The following RDX variants were observed in gnomAD, a reference collection of about 807,000 sequenced individuals.
The protein encoded by RDX is radixin.
Under a neutral mutation model 83.7 loss-of-function variants are expected in RDX, and 32 were observed. That is an observed-to-expected ratio of 0.38 (90% CI 0.29 to 0.51). The LOEUF is 0.51. Among genes scored for constraint, RDX ranks in the 20% least tolerant of loss-of-function variants. The pLI is 0.87. For missense variants in RDX, 600 were observed against 689.9 expected, an observed-to-expected ratio of 0.87 and a Z score of 1.46; for synonymous variants, 229 against 222.7, an observed-to-expected ratio of 1.03 and a Z score of -0.25.
intron 9 of RDX, among the ~76,000 whole-genome samples, chr11:110,249,630 T>C (rs1301236000): frequency 6.6e-6 from 1 of 152,152 alleles, no homozygotes; most frequent in Non-Finnish European, 1.5e-5. Flanking sequence ...GCTCACCACA[T>C]TGTGAGGCAA....
At chr11:110,232,636 T>A (rs1025227066) in intron 13 of RDX, among the ~76,000 whole-genome samples, 3 of 152,204 alleles carry the variant, frequency 2.0e-5, no homozygotes, top group Admixed American at 6.5e-5. Context: ...ATTTTATTTT[T>A]TTGAGACAGA....
rs771415216 is a variant in RDX at position 110,251,898 on chromosome 11, C to T, written c.959+2048G>A. ...TGTAGGGAAAGAGGTCTCTTTGCTACTCTTTCCCAACTACTGTTCTTGCCC... is the reference window on the plus strand; with the variant it reads ...TGTAGGGAAAGAGGTCTCTTTGCTATTCTTTCCCAACTACTGTTCTTGCCC... On this transcript the variant is annotated intron_variant, in intron 9 of 13. Coordinates refer to ENST00000645495, the MANE Select transcript of RDX (RefSeq NM_002906.4). Among the ~76,000 whole-genome samples the T allele has an allele frequency of 6.7e-5, 10 of 149,782 alleles. No individual in the cohort carries two copies. The East Asian group carries it at 1.0e-3, about 15-fold the overall frequency.
chr11:110,177,997 C>T (rs141079792), intron 15 of RDX, among the ~76,000 whole-genome samples: 1 of 152,104 alleles, frequency 6.6e-6, no homozygotes, highest in Non-Finnish European at 1.5e-5. Context: ...CCATAACATG[C>T]AAAACTCCCC....
At chr11:110,284,382 G>T (rs1321775417) in intron 1 of RDX, among the ~76,000 whole-genome samples, 1 of 152,130 alleles carries the variant, frequency 6.6e-6, no homozygotes, top group Non-Finnish European at 1.5e-5. Context: ...TGATAACATG[G>T]ACTTCTCCAG....
At chr11:110,210,986 T>C (rs903470547) in intron 14 of RDX, among the ~76,000 whole-genome samples, 3 of 150,816 alleles carry the variant, frequency 2.0e-5, no homozygotes, top group African/African-American at 7.3e-5. Flanking sequence ...AATTCACACA[T>C]AACAATATTC....
chr11:110,259,126 C>T (rs943586566), intron 5 of RDX, among the ~76,000 whole-genome samples: 1 of 151,792 alleles, frequency 6.6e-6, no homozygotes, highest in Non-Finnish European at 1.5e-5. Context: ...TTAGTAGAGA[C>T]GGGGTTTCGC....
rs1213678453 is a variant in RDX at position 110,290,307 on chromosome 11, T to C, written c.-65+6160A>G. On this transcript the variant is annotated intron_variant, in intron 1 of 13. Transcript: ENST00000645495. ...TGGGAGGCTGAGGCGGGAGGATCACTTGAACCCAGGACAGCCTGGGCAACA... is the reference window on the plus strand; with the variant it reads ...TGGGAGGCTGAGGCGGGAGGATCACCTGAACCCAGGACAGCCTGGGCAACA... 2.6e-5 allele frequency among the ~76,000 whole-genome samples: 4 copies of C among 152,048 alleles called. No homozygotes were observed. The East Asian group carries it at 7.7e-4, about 29-fold the overall frequency.
At chr11:110,221,465 G>C (rs574952111) in intron 14 of RDX, among the ~76,000 whole-genome samples, 1 of 152,154 alleles carries the variant, frequency 6.6e-6, no homozygotes, top group South Asian at 2.1e-4. Context: ...AGGTGTGGTG[G>C]CACATGCCTG....
chr11:110,223,162 C>T (rs2134279806), intron 14 of RDX, among the ~76,000 whole-genome samples: 1 of 152,074 alleles, frequency 6.6e-6, no homozygotes, highest in Non-Finnish European at 1.5e-5. Flanking sequence ...ACCAGCCTGG[C>T]CAGCATGGTG....
intron 1 of RDX, among the ~76,000 whole-genome samples, chr11:110,295,027 A>ACTGCAATC (rs1861389167): frequency 6.6e-6 from 1 of 152,236 alleles, no homozygotes; most frequent in African/African-American, 2.4e-5. Flanking sequence ...AAAGAAAGTC[A>ACTGCAATC]CTGCAATCGT....
chr11:110,180,302 A>C (rs1188594169), intron 15 of RDX, among the ~76,000 whole-genome samples: 2 of 151,972 alleles, frequency 1.3e-5, no homozygotes, highest in East Asian at 1.9e-4. Context: ...GTGCCAGCCA[A>C]ATTGGACCCC....
chr11:110,247,745 G>A lies in RDX; in HGVS notation c.1048C>T (p.Arg350Cys), dbSNP rs748656504. The A allele has an allele frequency of 1.5e-5, 24 of 1,611,916 alleles. No individual in the cohort carries two copies. The Admixed American group carries it at 2.2e-4, about 15-fold the overall frequency. ...GTCTGCTCTTCAATTTGTTTTAGACGTTCCATTAGCTCTTCCTTTTCACGT... is the reference window on the plus strand; with the variant it reads ...GTCTGCTCTTCAATTTGTTTTAGACATTCCATTAGCTCTTCCTTTTCACGT... ...IEREKEELME[R>C]LKQIEEQTIK... Residue 350 changes from arginine (R) to cysteine (C), a missense_variant, in exon 10 of 14, where the codon CGT becomes TGT. By Grantham distance (180) the Arg-to-Cys change is radical. Transcript: ENST00000645495.
At chr11:110,235,105 C>A (rs1293234150) in intron 12 of RDX, among the ~76,000 whole-genome samples, 1 of 152,032 alleles carries the variant, frequency 6.6e-6, no homozygotes, top group Non-Finnish European at 1.5e-5. Flanking sequence ...ACAATCCCAG[C>A]ACTTTGGGGG....
chr11:110,224,765 T>TA (rs1179552515), downstream of RDX, among the ~76,000 whole-genome samples: 5 of 152,310 alleles, frequency 3.3e-5, no homozygotes, highest in Admixed American at 2.6e-4. Context: ...AAATTACACT[T>TA]AGACATTTCC....
At chr11:110,185,540 C>T (rs1487178897) in intron 15 of RDX, 1 of 152,222 alleles carries the variant, frequency 6.6e-6, no homozygotes, top group Non-Finnish European at 1.5e-5. Flanking sequence ...GAATCAGAAA[C>T]TCTGGTAGCG....
At chr11:110,289,719 C>A (rs1284868164) in intron 1 of RDX, among the ~76,000 whole-genome samples, 2 of 151,226 alleles carry the variant, frequency 1.3e-5, no homozygotes, top group Non-Finnish European at 2.9e-5. Flanking sequence ...GAGTTCAAGA[C>A]CAGCCTAGCC....
chr11:110,264,341 A>C, intron 4 of RDX, 107 bp from the exon 5 acceptor site: 1 of 762,892 alleles, frequency 1.3e-6, no homozygotes, highest in Non-Finnish European at 2.1e-6. Context: ...AATAGATTCT[A>C]AATCTATGAA....
At position 110,272,615 on chromosome 11, in the gene RDX, T is replaced by C. The variant is rs777411187; in HGVS notation, c.17A>G (p.Asn6Ser). The C allele has an allele frequency of 9.3e-6, 15 of 1,605,918 alleles. No individual in the cohort carries two copies. Among genetic ancestry groups the C allele is most frequent in the East Asian group, 2.2e-5 (1 of 44,768 alleles). The change falls in exon 3 of 14, where the codon AAC becomes AGC. Residue 6 changes from asparagine to serine, a missense_variant. By Grantham distance (46) the Asn-to-Ser change is conservative (BLOSUM62 1). Transcript: ENST00000645495. The part of the protein sequence containing the change: MPKPI[N>S]VRVTTMDAEL... The stretch of plus-strand genomic sequence containing the variant: ...AGCATCCATTGTAGTTACTCTTACG[T>C]TGATCTGTAATAAAAATAAAAGGAA...
rs533746098 is a variant in RDX at position 110,230,039 on chromosome 11, C to G, written c.*1830G>C. 5 of 152,568 alleles carry G rather than the reference C, an allele frequency of 3.3e-5. No individual in the cohort carries two copies. The highest frequency in any genetic ancestry group is 1.2e-4 in the African/African-American group (5 of 41,530). The allele number at this position is 152,568 out of a possible 1,614,324, so 9.5% of individuals were successfully genotyped here. A position where few individuals can be genotyped will look rare whatever the true frequency, so the allele number is the denominator to read the frequency against. The stretch of plus-strand genomic sequence containing the variant: ...TCAAGGTTAACCAGCTATGTTTTGT[C>G]CTACAAAGTTCAAAAAATATATTAA... On this transcript the variant is annotated 3_prime_UTR_variant, in exon 14 of 14. Coordinates refer to ENST00000645495, the MANE Select transcript of RDX (RefSeq NM_002906.4).
Sources: gnomAD v4.1 joint callset for allele counts (sites outside exome capture counted in the v4.1 genomes callset) on GRCh38, gnomAD v4.1.1 for gene constraint, MANE v1.5 for transcripts, NCBI Gene and HGNC (gene_info 2026-07-23, HGNC 2026-07-21) for gene names.